Variants in ZNF729 observed in about 807,000 individuals in gnomAD.
ZNF729 encodes the protein zinc finger protein 729.
In ZNF729, 15 loss-of-function variants were observed where a neutral mutation model predicts 12.2. That is an observed-to-expected ratio of 1.23 (90% CI 0.82 to 1.89). The LOEUF (loss-of-function observed/expected upper bound fraction) is 1.89. Among genes scored for constraint, ZNF729 ranks in the 40% most tolerant of loss-of-function variants. The probability of loss-of-function intolerance (pLI) is 0.00; values close to 1 mark genes in which losing one functional copy is unlikely to be tolerated. For synonymous variants in ZNF729, 492 were observed against 476.3 expected, an observed-to-expected ratio of 1.03 and a Z score of -0.43; for missense variants, 1,540 against 1,456.7, an observed-to-expected ratio of 1.06 and a Z score of -0.93.
At chr19:22,298,543 C>CG (rs141434082) in intron 1 of ZNF729, among the ~76,000 whole-genome samples, 4,649 of 152,172 alleles carry the variant, frequency 0.031, 227 homozygotes, top group African/African-American at 0.11. Flanking sequence ...GACAGAGTTT[C>CG]GCTCTTGTCA....
In ZNF729 at chr19:22,315,763, C is replaced by G. The variant is rs767857245; in HGVS notation, c.2346C>G (p.Ala782=). 2 of 1,608,416 alleles carry G rather than the reference C, an allele frequency of 1.2e-6. No individual in the cohort carries two copies. The highest frequency in any genetic ancestry group is 1.7e-6 in the Non-Finnish European group (2 of 1,179,138). Residue 782 remains alanine (A), a synonymous_variant, in exon 4 of 4, where the codon GCC becomes GCG. Transcript: ENST00000601693. ...ECVKAFNSFS[A]LMKHKVIHTG... ...TCAAAGCTTTTAACAGTTTCTCAGC[C>G]CTTATGAAACATAAGGTAATTCATA...
chr19:22,313,731 A>G lies in ZNF729; in HGVS notation c.314A>G (p.Gln105Arg). Reference sequence around the variant, plus strand: ...GATCAGAGCACAAAAGATTCTTTCCAAGAAGTAATACTGAGAACATATGCA... The same window carrying G: ...GATCAGAGCACAAAAGATTCTTTCCGAGAAGTAATACTGAGAACATATGCA... ...WPDQSTKDSFQEVILRTYARC... is the reference protein window; with the variant it reads ...WPDQSTKDSFREVILRTYARC... The change falls in exon 4 of 4, where the codon CAA (glutamine) becomes CGA (arginine). Residue 105 changes from glutamine to arginine, a missense_variant. Transcript: ENST00000601693. 6.4e-7 allele frequency: 1 copy of G among 1,570,786 alleles called. No homozygotes were observed. Among genetic ancestry groups the G allele is most frequent in the Non-Finnish European group, 8.6e-7 (1 of 1,164,114 alleles).
At chr19:22,307,644 G>A (rs1968396336) in intron 3 of ZNF729, among the ~76,000 whole-genome samples, 1 of 150,564 alleles carries the variant, frequency 6.6e-6, no homozygotes, top group Non-Finnish European at 1.5e-5. Flanking sequence ...TCGGGAGGCT[G>A]AAGCAGGAGA....
In ZNF729 at chr19:22,287,510, G is replaced by A. The variant is rs142878884; in HGVS notation, c.30+955G>A. Among the ~76,000 whole-genome samples, 613 of 152,002 alleles carry A rather than the reference G, an allele frequency of 4.0e-3. 2 individuals are homozygous for A. The highest frequency in any genetic ancestry group is 0.014 in the African/African-American group (561 of 41,470). On this transcript the variant is annotated intron_variant, in intron 1 of 3. Transcript: ENST00000601693. ...TCGAACTCCCGACCTCAGGTGATCC[G>A]TCCTCCTCGGCCTCCTAAAGTGCTG...
chr19:22,297,889 C>G (rs1266054180), intron 1 of ZNF729, among the ~76,000 whole-genome samples: 1 of 151,070 alleles, frequency 6.6e-6, no homozygotes, highest in Non-Finnish European at 1.5e-5. Context: ...CCTGTAATCT[C>G]AGCTACTCGG....
At position 22,314,726 on chromosome 19, in the gene ZNF729, T is replaced by A. The variant is rs751622069; in HGVS notation, c.1309T>A (p.Cys437Ser). Residue 437 changes from cysteine (C) to serine (S), a missense_variant, in exon 4 of 4, where the codon TGT becomes AGT. Coordinates refer to ENST00000601693, the MANE Select transcript of ZNF729 (RefSeq NM_001242680.2). ...TGKKPYKCEE[C>S]GKAFNSSSTL... ...AAAGAAACCCTACAAATGTGAAGAATGTGGCAAAGCTTTTAACAGTTCCTC... is the reference window on the plus strand; with the variant it reads ...AAAGAAACCCTACAAATGTGAAGAAAGTGGCAAAGCTTTTAACAGTTCCTC... The A allele has an allele frequency of 8.7e-6, 14 of 1,613,334 alleles. No individual in the cohort carries two copies. Among genetic ancestry groups the A allele is most frequent in the Admixed American group, 1.7e-5 (1 of 59,990 alleles).
At chr19:22,290,213 A>T (rs951158711) in intron 1 of ZNF729, among the ~76,000 whole-genome samples, 1 of 152,182 alleles carries the variant, frequency 6.6e-6, no homozygotes, top group Non-Finnish European at 1.5e-5. Flanking sequence ...CACCCCAGCC[A>T]TGGAAGACGC....
At position 22,295,881 on chromosome 19, in the gene ZNF729, AT is replaced by A. The variant is rs796786821; in HGVS notation, c.31-7870del. Among the ~76,000 whole-genome samples the A allele has an allele frequency of 1.3e-4, 20 of 152,168 alleles. No individual in the cohort carries two copies. The East Asian group carries it at 2.9e-3, about 22-fold the overall frequency. ...ATCTTTTTCTGCATCTATTGAGATA[AT>A]TTTTTTGGTTTTTATCTTTAATTCT... On this transcript the variant is annotated intron_variant, in intron 1 of 3. Coordinates refer to ENST00000601693, the MANE Select transcript of ZNF729 (RefSeq NM_001242680.2).
intron 1 of ZNF729, among the ~76,000 whole-genome samples, chr19:22,293,674 A>G (rs1253217472): frequency 6.6e-6 from 1 of 151,046 alleles, no homozygotes; most frequent in African/African-American, 2.4e-5. Flanking sequence ...TTGTATTTTT[A>G]GTAAAGACAG....
Position 22,315,507 on chromosome 19 carries a change from C to T in ZNF729, c.2090C>T (p.Ser697Leu), listed in dbSNP as rs200625173. The change falls in exon 4 of 4, where the codon TCA becomes TTA. Residue 697 changes from serine to leucine, a missense_variant. Physicochemically the swap from Ser to Leu is moderately radical, Grantham distance 145. Coordinates refer to ENST00000601693, the MANE Select transcript of ZNF729 (RefSeq NM_001242680.2). ...TGTGGCAAAGCTTTTAGCCATTTCTCAGCCCTTAGAAGACATAAGATAATT... is the reference window on the plus strand; with the variant it reads ...TGTGGCAAAGCTTTTAGCCATTTCTTAGCCCTTAGAAGACATAAGATAATT... ...EECGKAFSHF[S>L]ALRRHKIIHT... is the part of the protein sequence containing the mutation. 85 of 1,611,650 alleles carry T rather than the reference C, an allele frequency of 5.3e-5. No homozygotes were observed. Among genetic ancestry groups the T allele is most frequent in the African/African-American group, 1.3e-5 (1 of 74,898 alleles).
In ZNF729 at chr19:22,315,189, A is replaced by C; in HGVS notation, c.1772A>C (p.Lys591Thr). 3 of 1,611,994 alleles carry C rather than the reference A, an allele frequency of 1.9e-6. No individual in the cohort carries two copies. Among genetic ancestry groups the C allele is most frequent in the Non-Finnish European group, 2.5e-6 (3 of 1,179,514 alleles). Residue 591 changes from lysine (K) to threonine (T), a missense_variant, in exon 4 of 4, where the codon AAG becomes ACG. Transcript: ENST00000601693. ...CATTTCTCAGCCCTCAGAAAACATA[A>C]GGTAATTCATACTAGGGAGAAATTG... ...FKHFSALRKH[K>T]VIHTREKLYK...
In ZNF729 at chr19:22,314,276, A is replaced by G; in HGVS notation, c.859A>G (p.Thr287Ala). The G allele has an allele frequency of 1.2e-6, 2 of 1,610,326 alleles. No homozygotes were observed. Among genetic ancestry groups the G allele is most frequent in the Middle Eastern group, 1.7e-4 (1 of 6,060 alleles). Residue 287 changes from threonine (T) to alanine (A), a missense_variant, in exon 4 of 4, where the codon ACT becomes GCT. By Grantham distance (58) the Thr-to-Ala change is moderately conservative (BLOSUM62 0). Coordinates refer to ENST00000601693, the MANE Select transcript of ZNF729 (RefSeq NM_001242680.2). ...SNLTDHKRIH[T>A]GEKTYKCEEC... ...TCTTACTGACCATAAGAGAATTCAT[A>G]CTGGAGAGAAAACCTACAAATGTGA...
In ZNF729 at chr19:22,314,077, C is replaced by T. The variant is rs1472237345; in HGVS notation, c.660C>T (p.Phe220=). The T allele has an allele frequency of 1.0e-5, 16 of 1,545,138 alleles. No homozygotes were observed. The highest frequency in any genetic ancestry group is 1.4e-5 in the Non-Finnish European group (16 of 1,146,556). Residue 220 remains phenylalanine (F), a synonymous_variant, in exon 4 of 4, where the codon TTC becomes TTT. Coordinates refer to ENST00000601693, the MANE Select transcript of ZNF729 (RefSeq NM_001242680.2). The part of the protein sequence containing the change: ...CEERGKAFKS[F]STLTKHKIIH... ...AACGTGGCAAAGCCTTTAAATCGTTCTCAACCCTTACTAAACATAAGATAA... is the reference window on the plus strand; with the variant it reads ...AACGTGGCAAAGCCTTTAAATCGTTTTCAACCCTTACTAAACATAAGATAA...
rs190396332 is a variant in ZNF729, at chr19:22,311,629, A to G, written c.254-2042A>G. Reference sequence around the variant, plus strand: ...GGCCTATCATATGGTCTATTTGGAGAAAGTTTCATGTGCTGTTGAATAGAA... The same window carrying G: ...GGCCTATCATATGGTCTATTTGGAGGAAGTTTCATGTGCTGTTGAATAGAA... On this transcript the variant is annotated intron_variant, in intron 3 of 3. Coordinates refer to ENST00000601693, the MANE Select transcript of ZNF729 (RefSeq NM_001242680.2). 8.9e-4 allele frequency among the ~76,000 whole-genome samples: 135 copies of G among 152,190 alleles called. 1 individual carries two copies. The highest frequency in any genetic ancestry group is 3.2e-3 in the African/African-American group (131 of 41,518).
intron 1 of ZNF729, among the ~76,000 whole-genome samples, chr19:22,288,034 C>G (rs1184173687): frequency 1.3e-5 from 2 of 151,784 alleles, no homozygotes. Flanking sequence ...TTAGTAGAGA[C>G]AGAGTTTCAC....
intron 3 of ZNF729, among the ~76,000 whole-genome samples, chr19:22,305,922 A>G (rs1017406944): frequency 2.0e-5 from 3 of 151,992 alleles, no homozygotes; most frequent in Admixed American, 1.3e-4. Flanking sequence ...TCTAGTTTCA[A>G]CCTCTTAAGT....
At chr19:22,307,912 G>A (rs1224202607) in intron 3 of ZNF729, among the ~76,000 whole-genome samples, 2 of 145,978 alleles carry the variant, frequency 1.4e-5, no homozygotes, top group East Asian at 4.2e-4. Flanking sequence ...GGTTACATGA[G>A]TAAGTTCTTT....
chr19:22,316,870 G>C lies in ZNF729; in HGVS notation c.3453G>C (p.Lys1151Asn), dbSNP rs776886438. ...FSQSSILTKH[K>N]IIHSVEKPYK... ...AGTCCTCAATCCTTACTAAACATAA[G>C]ATAATTCATTCTGTAGAGAAACCCT... The change falls in exon 4 of 4, where the codon AAG becomes AAC. Residue 1151 changes from lysine (K) to asparagine (N), a missense_variant. Physicochemically the swap from Lys to Asn is moderately conservative, Grantham distance 94 (BLOSUM62 0). Transcript: ENST00000601693. 6 of 1,611,570 alleles carry C rather than the reference G, an allele frequency of 3.7e-6. No individual in the cohort carries two copies. The African/African-American group carries it at 6.7e-5, about 18-fold the overall frequency.
intron 3 of ZNF729, among the ~76,000 whole-genome samples, chr19:22,306,534 G>T: frequency 6.9e-6 from 1 of 145,634 alleles, no homozygotes; most frequent in African/African-American, 2.5e-5. Context: ...CTCATTTCTT[G>T]TTTAACTATT....
Sources: allele counts gnomAD v4.1 joint callset (sites outside exome capture counted in the v4.1 genomes callset), GRCh38; gene constraint gnomAD v4.1.1; transcripts MANE v1.5; gene names NCBI Gene and HGNC (gene_info 2026-07-23, HGNC 2026-07-21).